Variants in LOC128462377 observed in about 807,000 individuals in gnomAD.
chr16:89,379,918 T>C, the LOC128462377 span, among the ~76,000 whole-genome samples: 1 of 152,182 alleles, frequency 6.6e-6, no homozygotes, highest in Non-Finnish European at 1.5e-5. Flanking sequence ...ACACTGACCT[T>C]TTCAGTTTTC....
the LOC128462377 span, chr16:89,372,719 G>A: frequency 5.9e-5 from 9 of 152,164 alleles, no homozygotes; most frequent in Non-Finnish European, 1.3e-4. Context: ...AGTAAACGCT[G>A]AGCCCGGGGA....
chr16:89,329,920 G>T, the LOC128462377 span, among the ~76,000 whole-genome samples: 7 of 151,958 alleles, frequency 4.6e-5, no homozygotes, highest in Non-Finnish European at 1.0e-4. Context: ...GCACTGGGAG[G>T]CAGAGGCTGC....
chr16:89,328,622 G>C, the LOC128462377 span, among the ~76,000 whole-genome samples: 1 of 150,778 alleles, frequency 6.6e-6, no homozygotes, highest in African/African-American at 2.5e-5. Flanking sequence ...TGCTGAGTGA[G>C]TGGACACACC....
chr16:89,336,795 G>GT, the LOC128462377 span, among the ~76,000 whole-genome samples: 1 of 152,124 alleles, frequency 6.6e-6, no homozygotes, highest in Non-Finnish European at 1.5e-5. Flanking sequence ...CAATACAAGT[G>GT]TAACATTTTA....
At chr16:89,329,801 G>C in the LOC128462377 span, among the ~76,000 whole-genome samples, 1 of 152,104 alleles carries the variant, frequency 6.6e-6, no homozygotes, top group Non-Finnish European at 1.5e-5. Flanking sequence ...TTGAGGTCAG[G>C]AGTTCGAAAC....
At chr16:89,327,901 T>C in the LOC128462377 span, among the ~76,000 whole-genome samples, 2 of 152,034 alleles carry the variant, frequency 1.3e-5, no homozygotes, top group African/African-American at 4.8e-5. Context: ...TCGACAAAAT[T>C]AAAAACTTTT....
At chr16:89,321,934 C>T in the LOC128462377 span, among the ~76,000 whole-genome samples, 2 of 152,142 alleles carry the variant, frequency 1.3e-5, no homozygotes, top group Non-Finnish European at 2.9e-5. Flanking sequence ...TGGAGACCCG[C>T]TGCTGCTGCG....
the LOC128462377 span, among the ~76,000 whole-genome samples, chr16:89,369,634 G>C: frequency 6.6e-6 from 1 of 152,204 alleles, no homozygotes; most frequent in Non-Finnish European, 1.5e-5. Context: ...GTCACAGAAG[G>C]ACAACCAGGG....
the LOC128462377 span, among the ~76,000 whole-genome samples, chr16:89,414,059 C>T: frequency 6.6e-6 from 1 of 152,202 alleles, no homozygotes; most frequent in Non-Finnish European, 1.5e-5. Context: ...CCTGCACACC[C>T]TCCAGGATGC....
chr16:89,397,542 G>C, the LOC128462377 span, among the ~76,000 whole-genome samples: 24 of 152,354 alleles, frequency 1.6e-4, no homozygotes, highest in African/African-American at 5.3e-4. Flanking sequence ...TGACGGGGAA[G>C]GGTTGAGCCC....
At chr16:89,334,142 T>A in the LOC128462377 span, among the ~76,000 whole-genome samples, 1 of 19,228 alleles carries the variant, frequency 5.2e-5, no homozygotes, top group Non-Finnish European at 1.1e-4. Flanking sequence ...AACCCTGTGT[T>A]TTAAAAAAAA....
At chr16:89,351,192 C>T in the LOC128462377 span, among the ~76,000 whole-genome samples, 8 of 152,178 alleles carry the variant, frequency 5.3e-5, no homozygotes, top group Admixed American at 1.3e-4. Flanking sequence ...AGCAGAGAGG[C>T]GGCGGCGGCA....
the LOC128462377 span, among the ~76,000 whole-genome samples, chr16:89,404,144 A>G: frequency 1.3e-5 from 2 of 152,184 alleles, no homozygotes; most frequent in African/African-American, 2.4e-5. Context: ...CAGCACCAAC[A>G]GACAGTCATG....
chr16:89,408,852 GA>G, the LOC128462377 span, among the ~76,000 whole-genome samples: 1 of 152,102 alleles, frequency 6.6e-6, no homozygotes, highest in Non-Finnish European at 1.5e-5. Context: ...GATTTTGTAG[GA>G]AAAAAAGAGA....
chr16:89,403,982 A>C, the LOC128462377 span, among the ~76,000 whole-genome samples: 1 of 152,226 alleles, frequency 6.6e-6, no homozygotes, highest in Non-Finnish European at 1.5e-5. Flanking sequence ...GAGCAAGATT[A>C]TAAAACTAAA....
the LOC128462377 span, chr16:89,324,868 C>G: frequency 2.6e-4 from 70 of 264,690 alleles, no homozygotes; most frequent in Admixed American, 2.1e-4. Context: ...TGGGACTTCA[C>G]CTCATGACTG....
chr16:89,415,843 A>AAAAC, the LOC128462377 span, among the ~76,000 whole-genome samples: 1 of 145,228 alleles, frequency 6.9e-6, no homozygotes, highest in African/African-American at 2.5e-5. Flanking sequence ...AAAAAAAAAA[A>AAAAC]AAAAAAACAA....
At chr16:89,341,307 C>A in the LOC128462377 span, among the ~76,000 whole-genome samples, 6,645 of 152,128 alleles carry the variant, frequency 0.044, 523 homozygotes, top group African/African-American at 0.15. Flanking sequence ...CAGGATTTTT[C>A]GTTTTAAATT....
chr16:89,417,372 T>G, the LOC128462377 span, among the ~76,000 whole-genome samples: 14 of 152,346 alleles, frequency 9.2e-5, no homozygotes, highest in African/African-American at 3.4e-4. Context: ...TAGCCAAGTT[T>G]TCTCTTCAAC....
Sources: allele counts gnomAD v4.1 joint callset (sites outside exome capture counted in the v4.1 genomes callset), GRCh38; gene constraint gnomAD v4.1.1; transcripts MANE v1.5.